Variants in SPACDR observed in about 807,000 individuals in gnomAD.
The protein encoded by SPACDR is sperm acrosome developmental regulator.
the SPACDR span, among the ~76,000 whole-genome samples, chr7:100,457,803 A>ATATGTGTGTGTGTGTGTGTG: frequency 2.1e-4 from 15 of 72,588 alleles, no homozygotes; most frequent in South Asian, 1.2e-3. Flanking sequence ...ATATATATAT[A>ATATGTGTGTGTGTGTGTGTG]TGTGTGTGTG....
chr7:100,458,852 G>GCT, the SPACDR span, among the ~76,000 whole-genome samples: 4 of 152,028 alleles, frequency 2.6e-5, no homozygotes, highest in South Asian at 6.2e-4. Context: ...GCTTGAAGCT[G>GCT]GGAGGCGGAG....
chr7:100,458,790 G>C, the SPACDR span, among the ~76,000 whole-genome samples: 1 of 151,984 alleles, frequency 6.6e-6, no homozygotes, highest in East Asian at 2.0e-4. Context: ...AGCTGGGTGT[G>C]GTGGTGGGCA....
chr7:100,464,063 C>T, the SPACDR span: 2 of 768,022 alleles, frequency 2.6e-6, no homozygotes, highest in Non-Finnish European at 3.8e-6. Context: ...AAGGGCAGAG[C>T]TAGCATTTGG....
the SPACDR span, among the ~76,000 whole-genome samples, chr7:100,458,062 C>T: frequency 6.6e-6 from 1 of 151,566 alleles, no homozygotes; most frequent in Non-Finnish European, 1.5e-5. Flanking sequence ...CATAGAGATC[C>T]TGTGCACCCT....
At chr7:100,462,075 G>A in the SPACDR span, among the ~76,000 whole-genome samples, 11 of 151,528 alleles carry the variant, frequency 7.3e-5, no homozygotes, top group East Asian at 1.9e-4. Flanking sequence ...GCTTGACAAC[G>A]TCACACTCAA....
the SPACDR span, among the ~76,000 whole-genome samples, chr7:100,462,473 A>G: frequency 6.6e-6 from 1 of 151,104 alleles, no homozygotes; most frequent in African/African-American, 2.4e-5. Context: ...TCGGCCTCCC[A>G]AAGTGCTGGG....
chr7:100,460,615 G>A, the SPACDR span, among the ~76,000 whole-genome samples: 1 of 150,288 alleles, frequency 6.7e-6, no homozygotes, highest in African/African-American at 2.4e-5. Context: ...GAGAGAGAGA[G>A]AAATGACCAT....
the SPACDR span, among the ~76,000 whole-genome samples, chr7:100,461,942 G>A: frequency 3.4e-5 from 5 of 145,076 alleles, no homozygotes; most frequent in African/African-American, 2.6e-5. Flanking sequence ...GCAGCGAACC[G>A]AGATCCCGCC....
chr7:100,457,955 T>C, the SPACDR span, among the ~76,000 whole-genome samples: 5 of 150,896 alleles, frequency 3.3e-5, no homozygotes, highest in Admixed American at 6.7e-5. Flanking sequence ...AATGCTGAGA[T>C]TACAGGCGTG....
At chr7:100,463,256 G>C in the SPACDR span, 1 of 923,652 alleles carries the variant, frequency 1.1e-6, no homozygotes, top group Non-Finnish European at 1.6e-6. Context: ...TTACAGGCGT[G>C]AGTCACTGCA....
the SPACDR span, chr7:100,463,936 G>A: frequency 6.3e-7 from 1 of 1,599,982 alleles, no homozygotes. Context: ...AGCGCATCAT[G>A]AGGACAGAGT....
the SPACDR span, chr7:100,456,707 C>T: frequency 6.1e-6 from 8 of 1,309,104 alleles, no homozygotes; most frequent in East Asian, 1.7e-4. Context: ...TATGGGACCC[C>T]AGGTAAGAGT....
the SPACDR span, chr7:100,464,175 T>C: frequency 6.7e-7 from 1 of 1,490,964 alleles, no homozygotes; most frequent in Non-Finnish European, 8.9e-7. Flanking sequence ...AAGAAAGAAG[T>C]AGGAAATCCT....
At chr7:100,462,003 A>G in the SPACDR span, among the ~76,000 whole-genome samples, 2 of 150,792 alleles carry the variant, frequency 1.3e-5, no homozygotes, top group Non-Finnish European at 3.0e-5. Flanking sequence ...AAAAAAAAAA[A>G]AAGGCCTCAC....
At chr7:100,464,172 A>T in the SPACDR span, 45 of 1,496,746 alleles carry the variant, frequency 3.0e-5, no homozygotes, top group Middle Eastern at 2.5e-4. Flanking sequence ...GTAAAGAAAG[A>T]AGTAGGAAAT....
At chr7:100,464,051 GA>G in the SPACDR span, 1 of 1,191,306 alleles carries the variant, frequency 8.4e-7, no homozygotes, top group Non-Finnish European at 1.1e-6. Context: ...AAACACAGAA[GA>G]AAGGGCAGAG....
chr7:100,457,092 C>A, the SPACDR span: 1 of 696,290 alleles, frequency 1.4e-6, no homozygotes. Flanking sequence ...GATTCCACCT[C>A]TCCCATCAGC....
At chr7:100,464,243 G>GA in the SPACDR span, 1 of 1,427,680 alleles carries the variant, frequency 7.0e-7, no homozygotes, top group Non-Finnish European at 9.2e-7. Flanking sequence ...CTGGGACAGG[G>GA]AGAGGAGTCG....
chr7:100,460,660 CTT>C, the SPACDR span, among the ~76,000 whole-genome samples: 3 of 144,110 alleles, frequency 2.1e-5, no homozygotes, highest in African/African-American at 2.5e-5. Context: ...ATCTATTTTC[CTT>C]TTTTTTTTTT....
Sources: allele counts gnomAD v4.1 joint callset (sites outside exome capture counted in the v4.1 genomes callset), GRCh38; gene constraint gnomAD v4.1.1; transcripts MANE v1.5; gene names NCBI Gene and HGNC (gene_info 2026-07-23, HGNC 2026-07-21).